SLC9A9: variants seen among roughly 807,000 people sequenced by gnomAD.
SLC9A9 encodes sodium/hydrogen exchanger 9.
In SLC9A9, 62 loss-of-function variants were observed where a neutral mutation model predicts 77.8. That is an observed-to-expected ratio of 0.80 (90% confidence interval 0.65 to 0.98). The LOEUF (loss-of-function observed/expected upper bound fraction) is 0.98, where lower values mean the gene tolerates loss of function less well. SLC9A9 is among the 50% of genes least tolerant of loss of function. SLC9A9 has a pLI of 0.00. For synonymous variants in SLC9A9, 320 were observed against 283.5 expected (o/e 1.13, Z -1.29); for missense variants, 775 against 774.9 (o/e 1.00, Z 0.00).
chr3:143,837,297 C>T (rs2009591590), intron 1 of SLC9A9, among the ~76,000 whole-genome samples: 1 of 152,130 alleles, frequency 6.6e-6, no homozygotes. Context: ...GCAGCAAGCA[C>T]AGCTATATAC....
rs559778283 is a variant in SLC9A9 at position 143,453,273 on chromosome 3, G to C, written c.1469+13764C>G. Among the ~76,000 whole-genome samples, 45 of 151,910 alleles carry C rather than the reference G, an allele frequency of 3.0e-4. No individual in the cohort carries two copies. The South Asian group carries it at 7.3e-3, about 25-fold the overall frequency. On this transcript the variant is annotated intron_variant, in intron 12 of 15. Coordinates refer to ENST00000316549, the MANE Select transcript of SLC9A9 (RefSeq NM_173653.4). Reference sequence around the variant, plus strand: ...GGGCTTCACAGTTGACTTTGATCTAGGTTTTAAAGACTAGATTATTTCTAT... The same window carrying C: ...GGGCTTCACAGTTGACTTTGATCTACGTTTTAAAGACTAGATTATTTCTAT...
At chr3:143,521,032 T>G (rs1213796696) in intron 9 of SLC9A9, among the ~76,000 whole-genome samples, 1 of 152,116 alleles carries the variant, frequency 6.6e-6, no homozygotes, top group African/African-American at 2.4e-5. Flanking sequence ...TGACTAGAAT[T>G]TATATCATTT....
intron 14 of SLC9A9, among the ~76,000 whole-genome samples, chr3:143,325,510 TC>T: frequency 1.3e-5 from 2 of 152,370 alleles, no homozygotes; most frequent in Middle Eastern, 3.4e-3. Flanking sequence ...TTCATCTGTC[TC>T]TGACTGCATG....
At chr3:143,550,002 C>G (rs1182149923) in intron 9 of SLC9A9, among the ~76,000 whole-genome samples, 1 of 152,058 alleles carries the variant, frequency 6.6e-6, no homozygotes. Context: ...TTTTGTTTCA[C>G]TCAGGGGGCC....
At chr3:143,368,889 C>T (rs1330894769) in intron 13 of SLC9A9, among the ~76,000 whole-genome samples, 1 of 152,046 alleles carries the variant, frequency 6.6e-6, no homozygotes, top group East Asian at 1.9e-4. Context: ...ATATTTTTTT[C>T]AAATTTACAT....
At chr3:143,275,126 G>T (rs769953981) in intron 14 of SLC9A9, among the ~76,000 whole-genome samples, 1 of 152,130 alleles carries the variant, frequency 6.6e-6, no homozygotes, top group South Asian at 2.1e-4. Context: ...ATAATAGTTC[G>T]TGCCTATTTT....
At chr3:143,805,095 C>T (rs895890223) in intron 2 of SLC9A9, among the ~76,000 whole-genome samples, 11 of 152,294 alleles carry the variant, frequency 7.2e-5, no homozygotes, top group African/African-American at 2.6e-4. Context: ...TTACGCTGAA[C>T]CCCTTTGGGC....
chr3:143,692,117 TTTAAGGAGCTA>T (rs1181639710), intron 5 of SLC9A9, among the ~76,000 whole-genome samples: 1 of 152,124 alleles, frequency 6.6e-6, no homozygotes, highest in Non-Finnish European at 1.5e-5. Flanking sequence ...TGAGGAATAT[TTTAAGGAGCTA>T]TATTCGATTC....
intron 4 of SLC9A9, among the ~76,000 whole-genome samples, chr3:143,756,506 A>T (rs1030631998): frequency 6.6e-6 from 1 of 152,196 alleles, no homozygotes; most frequent in Non-Finnish European, 1.5e-5. Flanking sequence ...TGTCCTATGT[A>T]TATGAAACAT....
At chr3:143,713,104 T>C (rs994693762) in intron 4 of SLC9A9, among the ~76,000 whole-genome samples, 27 of 152,096 alleles carry the variant, frequency 1.8e-4, no homozygotes, top group African/African-American at 6.5e-4. Flanking sequence ...ATCAGAAAAT[T>C]ATTCAAACAA....
At chr3:143,285,296 A>G (rs1938352568) in intron 14 of SLC9A9, among the ~76,000 whole-genome samples, 1 of 152,102 alleles carries the variant, frequency 6.6e-6, no homozygotes, top group Admixed American at 6.5e-5. Flanking sequence ...ATGTGTTCTC[A>G]TTAGAACTAC....
chr3:143,656,382 C>T (rs1026882307), intron 5 of SLC9A9, among the ~76,000 whole-genome samples: 4 of 152,120 alleles, frequency 2.6e-5, no homozygotes, highest in African/African-American at 9.7e-5. Flanking sequence ...AAATACAGAT[C>T]ATGACTACAT....
chr3:143,551,038 G>C (rs191416986), intron 9 of SLC9A9, among the ~76,000 whole-genome samples: 1 of 152,280 alleles, frequency 6.6e-6, no homozygotes, highest in East Asian at 1.9e-4. Context: ...GAGTATGGTA[G>C]CCCCTAACTC....
chr3:143,305,408 G>A (rs1156474940), intron 14 of SLC9A9, among the ~76,000 whole-genome samples: 2 of 152,154 alleles, frequency 1.3e-5, no homozygotes, highest in African/African-American at 4.8e-5. Flanking sequence ...TCATAGCTGA[G>A]GAACAGGCAC....
intron 2 of SLC9A9, among the ~76,000 whole-genome samples, chr3:143,810,068 A>T (rs1420731401): frequency 6.6e-6 from 1 of 152,254 alleles, no homozygotes; most frequent in African/African-American, 2.4e-5. Context: ...ATTAAAATTC[A>T]ATTCTTAAAG....
intron 5 of SLC9A9, among the ~76,000 whole-genome samples, chr3:143,666,328 C>T (rs982280910): frequency 2.0e-5 from 3 of 152,106 alleles, no homozygotes; most frequent in African/African-American, 4.8e-5. Flanking sequence ...ATTGATGGGA[C>T]ATATCTCAAA....
intron 11 of SLC9A9, among the ~76,000 whole-genome samples, chr3:143,479,465 C>T (rs1223168353): frequency 6.6e-6 from 1 of 152,036 alleles, no homozygotes; most frequent in Non-Finnish European, 1.5e-5. Flanking sequence ...GTTGCCCAGG[C>T]TGGTCTCAAA....
At chr3:143,716,468 A>G (rs1934356234) in intron 4 of SLC9A9, among the ~76,000 whole-genome samples, 1 of 152,090 alleles carries the variant, frequency 6.6e-6, no homozygotes, top group Non-Finnish European at 1.5e-5. Context: ...ATCAAAGAAG[A>G]GATGAGTTAG....
chr3:143,372,077 A>G, intron 13 of SLC9A9: 1 of 325,576 alleles, frequency 3.1e-6, no homozygotes, highest in Non-Finnish European at 6.1e-6. Flanking sequence ...AGATCCAAAT[A>G]AATGGAAACA....
Sources: gnomAD v4.1 joint callset for allele counts (sites outside exome capture counted in the v4.1 genomes callset) on GRCh38, gnomAD v4.1.1 for gene constraint, MANE v1.5 for transcripts, NCBI Gene and HGNC (gene_info 2026-07-23, HGNC 2026-07-21) for gene names.